Variants in CACNA1S observed in about 807,000 individuals in gnomAD.
The protein encoded by CACNA1S is calcium voltage-gated channel subunit alpha1 S.
A neutral mutation model predicts 207.4 loss-of-function variants in CACNA1S; 126 were observed. That is an observed-to-expected ratio of 0.61 (90% CI 0.53 to 0.70). CACNA1S has a LOEUF of 0.70. CACNA1S is among the 30% of genes least tolerant of loss of function. The probability of loss-of-function intolerance (pLI) is 0.00; values close to 1 mark genes in which losing one functional copy is unlikely to be tolerated. For synonymous variants in CACNA1S, 960 were observed against 932.7 expected (o/e 1.03, Z -0.53); for missense variants, 2,349 against 2,422.8 (o/e 0.97, Z 0.64).
intron 2 of CACNA1S, among the ~76,000 whole-genome samples, chr1:201,104,031 C>T (rs547126341): frequency 6.6e-6 from 1 of 152,314 alleles, no homozygotes; most frequent in South Asian, 2.1e-4. Flanking sequence ...GAGCAGGCAC[C>T]ATCTACTTAA....
chr1:201,104,021 G>C (rs1256695435), intron 2 of CACNA1S, among the ~76,000 whole-genome samples: 2 of 152,212 alleles, frequency 1.3e-5, no homozygotes, highest in Non-Finnish European at 2.9e-5. Context: ...CCCTCGAGGA[G>C]AGCAGGCACC....
chr1:201,053,343 G>A lies in CACNA1S; in HGVS notation c.3796-69C>T. The A allele has an allele frequency of 1.2e-6, 2 of 1,611,240 alleles. No homozygotes were observed. The highest frequency in any genetic ancestry group is 2.2e-5 in the South Asian group (2 of 91,004). The stretch of plus-strand genomic sequence containing the variant: ...CTGTGTGTCTGCAGCCCTGCCCTCT[G>A]TTAGCTCCCCAGGGCTCTGCCTTGC... On this transcript the variant is annotated intron_variant, in intron 30 of 43. Coordinates refer to ENST00000362061, the MANE Select transcript of CACNA1S (RefSeq NM_000069.3). This position sits in a 1 kb window ranked among gnomAD's most constrained non-coding sequence, Gnocchi z 5.1.
intron 39 of CACNA1S, 26 bp from the exon 40 acceptor site, chr1:201,043,557 C>A (rs1187200850): frequency 6.2e-7 from 1 of 1,613,076 alleles, no homozygotes; most frequent in Non-Finnish European, 8.5e-7. Flanking sequence ...AGAGCAGTGA[C>A]TGGGGGTGAG....
In CACNA1S at chr1:201,110,191, A is replaced by G; in HGVS notation, c.231T>C (p.Asp77=). 6.2e-7 allele frequency: 1 copy of G among 1,614,208 alleles called. No homozygotes were observed. The highest frequency in any genetic ancestry group is 8.5e-7 in the Non-Finnish European group (1 of 1,180,010). ...GGCCGAGGTTCAGAGAGTTGTTGTC[A>G]TCTTCCGGCATGGGCAGGTACACGG... ...ALAVYLPMPE[D]DNNSLNLGLE... is the part of the protein sequence containing the mutation. The change falls in exon 2 of 44, where the codon GAT becomes GAC. Residue 77 remains aspartate, a synonymous_variant. Transcript: ENST00000362061.
In CACNA1S at chr1:201,066,838, C is replaced by A; in HGVS notation, c.2657+49G>T. The A allele has an allele frequency of 7.1e-7, 1 of 1,402,466 alleles. No individual in the cohort carries two copies. The highest frequency in any genetic ancestry group is 1.0e-6 in the Non-Finnish European group (1 of 992,630). 86.9% of individuals were successfully genotyped at this position (1,402,466 alleles called of 1,614,324 possible). On this transcript the variant is annotated intron_variant, in intron 20 of 43. Transcript: ENST00000362061. The surrounding 1 kb of genome is among the most constrained non-coding windows in gnomAD (Gnocchi z 4.3). ...GGACTCCCACTACAAAGCCCTGGCACAGAGCAGAGGGTGGTCTGTGCCCAG... is the reference window on the plus strand; with the variant it reads ...GGACTCCCACTACAAAGCCCTGGCAAAGAGCAGAGGGTGGTCTGTGCCCAG...
intron 28 of CACNA1S, among the ~76,000 whole-genome samples, chr1:201,055,777 G>GA (rs1268519104): frequency 2.6e-5 from 4 of 152,062 alleles, no homozygotes; most frequent in African/African-American, 9.7e-5. Context: ...AAACACTACT[G>GA]GTAAGGGACA....
In CACNA1S at chr1:201,054,489, T is replaced by A. The variant is rs748947594; in HGVS notation, c.3666+16A>T. ...CTGGTGAGCGTGCCAGGCAGGCTCGTGCAGCCTGAAATTACAACGTTCCCG... is the reference window on the plus strand; with the variant it reads ...CTGGTGAGCGTGCCAGGCAGGCTCGAGCAGCCTGAAATTACAACGTTCCCG... On this transcript the variant is annotated intron_variant, in intron 29 of 43. Transcript: ENST00000362061. 3 of 1,611,648 alleles carry A rather than the reference T, an allele frequency of 1.9e-6. No homozygotes were observed. In the Admixed American group the frequency reaches 5.0e-5, roughly 27 times the overall value.
Position 201,060,719 on chromosome 1 carries a change from G to A in CACNA1S, c.3353C>T (p.Ser1118Phe). The A allele has an allele frequency of 6.2e-7, 1 of 1,614,180 alleles. No individual in the cohort carries two copies. Among genetic ancestry groups the A allele is most frequent in the Non-Finnish European group, 8.5e-7 (1 of 1,180,036 alleles). Residue 1118 changes from serine to phenylalanine, a missense_variant, in exon 26 of 44, where the codon TCC becomes TTC. Transcript: ENST00000362061. The stretch of plus-strand genomic sequence containing the variant: ...GGCAAACATCAGGTATTCAAAGTAG[G>A]AGGAGGTGACAATGTACCACACCTG... ...QYQVWYIVTS[S>F]YFEYLMFALI...
chr1:201,071,477 C>A (rs565457948), intron 16 of CACNA1S, among the ~76,000 whole-genome samples: 20 of 152,324 alleles, frequency 1.3e-4, no homozygotes, highest in Admixed American at 3.3e-4. Flanking sequence ...CGCCTTCTTA[C>A]TTCCTCCACC....
intron 17 of CACNA1S, 109 bp from the exon 18 acceptor site, chr1:201,069,710 T>C: frequency 3.0e-6 from 4 of 1,346,398 alleles, no homozygotes; most frequent in Non-Finnish European, 4.1e-6. Context: ...TGCTCCTCCC[T>C]GGCCAGGAGA....
At chr1:201,056,070 G>GACAGACACAC (rs528783002) in intron 28 of CACNA1S, among the ~76,000 whole-genome samples, 27 of 94,918 alleles carry the variant, frequency 2.8e-4, no homozygotes, top group African/African-American at 7.1e-4. Flanking sequence ...CAGACAGACA[G>GACAGACACAC]ACACACACAC....
At chr1:201,071,565 T>C (rs1661436039) in intron 16 of CACNA1S, among the ~76,000 whole-genome samples, 1 of 152,186 alleles carries the variant, frequency 6.6e-6, no homozygotes, top group African/African-American at 2.4e-5. Context: ...AGAAGCAGGA[T>C]ATAAACACAT....
chr1:201,058,363 C>T (rs1379125418), intron 28 of CACNA1S, 45 bp downstream of exon 28: 11 of 1,515,764 alleles, frequency 7.3e-6, no homozygotes, highest in Non-Finnish European at 1.0e-5. Flanking sequence ...TGAACACATG[C>T]TCTTGGGCCC....
chr1:201,105,346 A>G (rs923175212), intron 2 of CACNA1S, among the ~76,000 whole-genome samples: 11 of 152,194 alleles, frequency 7.2e-5, no homozygotes, highest in African/African-American at 2.7e-4. Context: ...ATAAAGCACT[A>G]CAACTTAGAA....
chr1:201,053,233 G>A lies in CACNA1S; in HGVS notation c.3837C>T (p.Phe1279=). ...YVALLIVMLF[F]IYAVIGMQMF... is the part of the protein sequence containing the mutation. ...CCTGCATGCCGATGACAGCGTAGATGAAGAAGAGCATGACGATGAGCAGAG... is the reference window on the plus strand; with the variant it reads ...CCTGCATGCCGATGACAGCGTAGATAAAGAAGAGCATGACGATGAGCAGAG... Residue 1279 remains phenylalanine (F), a synonymous_variant, in exon 31 of 44, where the codon TTC becomes TTT. Coordinates refer to ENST00000362061, the MANE Select transcript of CACNA1S (RefSeq NM_000069.3). This position sits in a 1 kb window ranked among gnomAD's most constrained non-coding sequence, Gnocchi z 5.1. The A allele has an allele frequency of 6.2e-7, 1 of 1,614,242 alleles. No individual in the cohort carries two copies. The highest frequency in any genetic ancestry group is 1.1e-5 in the South Asian group (1 of 91,092).
chr1:201,069,655 GC>G (rs1661383563), intron 17 of CACNA1S, 54 bp from the exon 18 acceptor site: 11 of 1,544,460 alleles, frequency 7.1e-6, no homozygotes, highest in Non-Finnish European at 9.6e-6. Flanking sequence ...GGAGGCTCAG[GC>G]CTCATCAGCC....
rs780958897 is a variant in CACNA1S, at chr1:201,077,980, G to A, written c.1518C>T (p.Ser506=). The change falls in exon 11 of 44, where the codon AGC becomes AGT. Residue 506 remains serine, a synonymous_variant. Coordinates refer to ENST00000362061, the MANE Select transcript of CACNA1S (RefSeq NM_000069.3). ...CCACCAGCAGGATCTCCAGGATACC[G>A]CTACACACCACGAAGCAGTCGAAGC... is the stretch of plus-strand genomic sequence containing the variant. ...FNRFDCFVVC[S]GILEILLVES... 17 of 1,614,158 alleles carry A rather than the reference G, an allele frequency of 1.1e-5. No homozygotes were observed. The highest frequency in any genetic ancestry group is 1.6e-4 in the Middle Eastern group (1 of 6,062).
intron 34 of CACNA1S, 66 bp downstream of exon 34, chr1:201,050,322 TC>T: frequency 2.6e-6 from 4 of 1,560,776 alleles, no homozygotes; most frequent in Non-Finnish European, 3.5e-6. Flanking sequence ...GGAGAGTGAC[TC>T]CCTGTGAGAC....
Position 201,074,174 on chromosome 1 carries a change from GC to G in CACNA1S, c.2063+331del, listed in dbSNP as rs34878705. On this transcript the variant is annotated intron_variant, in intron 14 of 43. Transcript: ENST00000362061. ...CTGTTCGATGTAGAACTCCAACCCC[GC>G]CCAGAGGCATAGCGACTCAGTGACA... Among the ~76,000 whole-genome samples, 36,658 of 152,186 alleles carry G rather than the reference GC, an allele frequency of 0.24. 5,978 individuals are homozygous for G. The highest frequency in any genetic ancestry group is 0.37 in the Non-Finnish European group (25,369 of 67,944).
Sources: gnomAD v4.1 joint callset for allele counts (sites outside exome capture counted in the v4.1 genomes callset) on GRCh38, gnomAD v4.1.1 for gene constraint, Gnocchi (gnomAD v3.1) non-coding constraint, MANE v1.5 for transcripts, NCBI Gene and HGNC (gene_info 2026-07-23, HGNC 2026-07-21) for gene names.